Variants in KCNN2 observed in about 807,000 individuals in gnomAD.
KCNN2 encodes the protein potassium calcium-activated channel subfamily N member 2.
KCNN2 carries 24 observed loss-of-function variants against 55.5 expected under a neutral mutation model. The ratio of observed to expected loss-of-function variants is 0.43; its 90% CI spans 0.31 to 0.61. The LOEUF (loss-of-function observed/expected upper bound fraction) is 0.61, where lower values mean the gene tolerates loss of function less well. Ranked by LOEUF, KCNN2 falls within the 20% of genes least tolerant of loss-of-function variation. The probability of loss-of-function intolerance (pLI) is 0.08; values close to 1 mark genes in which losing one functional copy is unlikely to be tolerated. For synonymous variants in KCNN2, 431 were observed against 336.1 expected, an observed-to-expected ratio of 1.28 and a Z score of -3.09; for missense variants, 754 against 853.6, an observed-to-expected ratio of 0.88 and a Z score of 1.45.
intron 1 of KCNN2, among the ~76,000 whole-genome samples, chr5:114,154,545 A>G (rs889161643): frequency 6.6e-5 from 10 of 152,154 alleles, no homozygotes; most frequent in Admixed American, 5.9e-4. Flanking sequence ...GTTTCCAGAA[A>G]TGCTGTAAAT....
At chr5:114,153,391 G>A (rs1259177688) in intron 1 of KCNN2, among the ~76,000 whole-genome samples, 1 of 152,002 alleles carries the variant, frequency 6.6e-6, no homozygotes, top group Non-Finnish European at 1.5e-5. Context: ...CTGCCAATAG[G>A]GACCCCTGTC....
chr5:114,493,751 T>G (rs998299833), intron 7 of KCNN2, among the ~76,000 whole-genome samples: 1 of 152,162 alleles, frequency 6.6e-6, no homozygotes, highest in Admixed American at 6.6e-5. Context: ...TAGGAGACAA[T>G]ACATGCGGGA....
At chr5:114,176,903 GTCTC>G (rs146793227) in intron 1 of KCNN2, among the ~76,000 whole-genome samples, 1 of 150,912 alleles carries the variant, frequency 6.6e-6, no homozygotes, top group Non-Finnish European at 1.5e-5. Flanking sequence ...ACTTTACCTA[GTCTC>G]TCTCTCTCTC....
At chr5:114,494,542 A>G (rs1748019391) in intron 7 of KCNN2, among the ~76,000 whole-genome samples, 1 of 152,016 alleles carries the variant, frequency 6.6e-6, no homozygotes, top group African/African-American at 2.4e-5. Context: ...GACATATGAA[A>G]AAAAGATAGG....
intron 1 of KCNN2, among the ~76,000 whole-genome samples, chr5:114,190,076 T>A (rs1753420532): frequency 6.6e-6 from 1 of 152,162 alleles, no homozygotes; most frequent in Non-Finnish European, 1.5e-5. Context: ...TAATTTGGCT[T>A]CATCAAAATA....
intron 1 of KCNN2, among the ~76,000 whole-genome samples, chr5:114,188,299 A>G (rs797003893): frequency 1.3e-5 from 2 of 152,258 alleles, no homozygotes; most frequent in African/African-American, 4.8e-5. Flanking sequence ...ACTCTTTCAG[A>G]TCAAAACAAT....
chr5:114,421,096 G>A (rs1333276294), intron 3 of KCNN2, among the ~76,000 whole-genome samples: 1 of 151,836 alleles, frequency 6.6e-6, no homozygotes, highest in Non-Finnish European at 1.5e-5. Flanking sequence ...GCTACTTTTC[G>A]ATCTATTTTG....
intron 1 of KCNN2, among the ~76,000 whole-genome samples, chr5:114,219,439 G>A (rs1258593342): frequency 6.6e-6 from 1 of 152,148 alleles, no homozygotes; most frequent in African/African-American, 2.4e-5. Context: ...TCCGCAGGAA[G>A]GGGAGCTGAA....
At chr5:114,346,281 C>A (rs772473467) in intron 2 of KCNN2, among the ~76,000 whole-genome samples, 3 of 152,166 alleles carry the variant, frequency 2.0e-5, no homozygotes, top group African/African-American at 4.8e-5. Flanking sequence ...ACGCAAACAC[C>A]TCCCACCAGG....
intron 2 of KCNN2, among the ~76,000 whole-genome samples, chr5:114,321,137 T>C (rs1756606599): frequency 6.6e-6 from 1 of 152,220 alleles, no homozygotes; most frequent in Non-Finnish European, 1.5e-5. Context: ...TGAACCCAGG[T>C]ACCTTCTTAG....
chr5:114,193,343 T>G (rs1257979475), intron 1 of KCNN2, among the ~76,000 whole-genome samples: 1 of 152,106 alleles, frequency 6.6e-6, no homozygotes, highest in Non-Finnish European at 1.5e-5. Flanking sequence ...AGAAACAGAT[T>G]ATACAGAACA....
intron 1 of KCNN2, among the ~76,000 whole-genome samples, chr5:114,068,726 A>G (rs1016835997): frequency 6.6e-6 from 1 of 152,206 alleles, no homozygotes; most frequent in Non-Finnish European, 1.5e-5. Context: ...TTGACCAAGG[A>G]AAGATAGGAG....
chr5:114,195,064 C>T (rs1753525359), intron 1 of KCNN2, among the ~76,000 whole-genome samples: 1 of 151,742 alleles, frequency 6.6e-6, no homozygotes, highest in Non-Finnish European at 1.5e-5. Flanking sequence ...TATCCTTGTG[C>T]CAGTGCCACA....
At position 114,117,395 on chromosome 5, in the gene KCNN2, A is replaced by G. The variant is rs1473025219; in HGVS notation, c.-271+60895A>G. Among the ~76,000 whole-genome samples the G allele has an allele frequency of 2.6e-5, 4 of 152,298 alleles. No homozygotes were observed. In the East Asian group the frequency reaches 5.8e-4, roughly 22 times the overall value. On this transcript the variant is annotated intron_variant, in intron 1 of 10. Coordinates refer to the KCNN2 transcript ENST00000512097. ...CTCACCCTTCCTTTTCCTAGTAAAC[A>G]TAGTGGATACCACAGCTTATTCCCT... is the stretch of plus-strand genomic sequence containing the variant.
chr5:114,076,878 A>G (rs1750694576), intron 1 of KCNN2, among the ~76,000 whole-genome samples: 1 of 151,996 alleles, frequency 6.6e-6, no homozygotes, highest in Admixed American at 6.6e-5. Flanking sequence ...TATTTTTAGT[A>G]GAGACGGGGT....
At chr5:114,303,630 A>G (rs1756211767) in intron 2 of KCNN2, among the ~76,000 whole-genome samples, 2 of 152,206 alleles carry the variant, frequency 1.3e-5, no homozygotes, top group African/African-American at 4.8e-5. Context: ...TCTTGTGCAT[A>G]GGGTTAAGGA....
intron 3 of KCNN2, among the ~76,000 whole-genome samples, chr5:114,460,757 G>A (rs562907263): frequency 1.6e-3 from 250 of 152,276 alleles, no homozygotes; most frequent in African/African-American, 6.0e-3. Flanking sequence ...GAAAATGCAA[G>A]TTAAGTTCTC....
chr5:114,496,249 G>A lies in KCNN2; in HGVS notation c.*67G>A. On this transcript the variant is annotated 3_prime_UTR_variant, in exon 8 of 8. Coordinates refer to ENST00000673685, the MANE Select transcript of KCNN2 (RefSeq NM_021614.4). ...TATGGTCAATATTTTAGCTTTTATTGTAAAGCCCCTATGGTTCTAATCAGC... is the reference window on the plus strand; with the variant it reads ...TATGGTCAATATTTTAGCTTTTATTATAAAGCCCCTATGGTTCTAATCAGC... 6.6e-7 allele frequency: 1 copy of A among 1,516,166 alleles called. No individual in the cohort carries two copies. Among genetic ancestry groups the A allele is most frequent in the Non-Finnish European group, 9.0e-7 (1 of 1,111,014 alleles). The allele number at this position is 1,516,166 out of a possible 1,614,324, so 93.9% of individuals were successfully genotyped here. A position where few individuals can be genotyped will look rare whatever the true frequency, so the allele number is the denominator to read the frequency against.
intron 3 of KCNN2, among the ~76,000 whole-genome samples, chr5:114,444,912 C>G (rs559306244): frequency 3.2e-4 from 48 of 152,224 alleles, no homozygotes; most frequent in African/African-American, 1.1e-3. Flanking sequence ...TCCTTGCACC[C>G]CACATTGCAT....
Sources: allele counts gnomAD v4.1 joint callset (sites outside exome capture counted in the v4.1 genomes callset), GRCh38; gene constraint gnomAD v4.1.1; transcripts MANE v1.5; gene names NCBI Gene and HGNC (gene_info 2026-07-23, HGNC 2026-07-21).